FCHSD2: variants seen among roughly 807,000 people sequenced by gnomAD.
The protein encoded by FCHSD2 is F-BAR and double SH3 domains protein 2.
A neutral mutation model predicts 108.1 loss-of-function variants in FCHSD2; 38 were observed. The observed-to-expected ratio is 0.35, with a 90% confidence interval of 0.27 to 0.46. FCHSD2 has a LOEUF of 0.46. FCHSD2 is among the 20% of genes least tolerant of loss of function. The pLI is 1.00. For missense variants in FCHSD2, 751 were observed against 897.8 expected (o/e 0.84, Z 2.09); for synonymous variants, 279 against 314.7 (o/e 0.89, Z 1.20).
At chr11:72,841,647 TCTGA>T in intron 17 of FCHSD2, 64 bp from the exon 18 acceptor site, 1 of 1,471,076 alleles carries the variant, frequency 6.8e-7, no homozygotes, top group Non-Finnish European at 9.1e-7. Context: ...TGGCTGCTTC[TCTGA>T]CTGCTCTGTA....
intron 8 of FCHSD2, among the ~76,000 whole-genome samples, chr11:72,974,597 G>T (rs1028260362): frequency 6.6e-6 from 1 of 152,218 alleles, no homozygotes; most frequent in Non-Finnish European, 1.5e-5. Context: ...CTAGTCACAT[G>T]TGGCCTTTAA....
chr11:72,926,858 C>T (rs962930338), intron 8 of FCHSD2, among the ~76,000 whole-genome samples: 1 of 152,116 alleles, frequency 6.6e-6, no homozygotes, highest in Non-Finnish European at 1.5e-5. Context: ...AAGCATCTTT[C>T]TTCACTTAAG....
intron 12 of FCHSD2, among the ~76,000 whole-genome samples, chr11:72,873,180 T>G (rs967233167): frequency 6.6e-6 from 1 of 151,976 alleles, no homozygotes; most frequent in African/African-American, 2.4e-5. Context: ...ATACAAAAAA[T>G]TAGCCGGACA....
chr11:73,072,306 T>A (rs1294600770), intron 3 of FCHSD2, among the ~76,000 whole-genome samples: 1 of 151,914 alleles, frequency 6.6e-6, no homozygotes, highest in Non-Finnish European at 1.5e-5. Flanking sequence ...TGCTACCGAA[T>A]AGCCATGAAA....
At chr11:73,072,400 CTT>C (rs977939387) in intron 3 of FCHSD2, among the ~76,000 whole-genome samples, 2 of 151,710 alleles carry the variant, frequency 1.3e-5, no homozygotes, top group African/African-American at 4.9e-5. Flanking sequence ...AGTTTAAAAA[CTT>C]AATTAAATTT....
chr11:72,905,175 C>T (rs562184062), intron 9 of FCHSD2, among the ~76,000 whole-genome samples: 150 of 152,254 alleles, frequency 9.9e-4, no homozygotes, highest in African/African-American at 3.5e-3. Flanking sequence ...TTTCTTCTGA[C>T]GGTAATTATT....
At chr11:73,134,356 G>A (rs1025605479) in intron 2 of FCHSD2, among the ~76,000 whole-genome samples, 20 of 152,110 alleles carry the variant, frequency 1.3e-4, no homozygotes, top group Middle Eastern at 3.2e-3. Context: ...TGTGGTCCCA[G>A]CTACTCAGGA....
chr11:72,901,396 C>A (rs1257805296), intron 10 of FCHSD2, among the ~76,000 whole-genome samples: 3 of 151,046 alleles, frequency 2.0e-5, no homozygotes, highest in Non-Finnish European at 4.4e-5. Flanking sequence ...GACCCTGTCT[C>A]AAAAATAAAA....
intron 5 of FCHSD2, among the ~76,000 whole-genome samples, chr11:72,989,659 C>A (rs548992252): frequency 8.5e-5 from 13 of 152,256 alleles, no homozygotes; most frequent in African/African-American, 3.1e-4. Flanking sequence ...TCCGTGGATA[C>A]ACATATACAT....
At chr11:72,999,615 C>T (rs114667785) in intron 5 of FCHSD2, among the ~76,000 whole-genome samples, 3,729 of 152,002 alleles carry the variant, frequency 0.025, 146 homozygotes, top group African/African-American at 0.086. Flanking sequence ...CCACCACACC[C>T]GGCCTTATCA....
intron 8 of FCHSD2, among the ~76,000 whole-genome samples, chr11:72,950,847 G>A: frequency 6.6e-6 from 1 of 152,096 alleles, no homozygotes; most frequent in East Asian, 1.9e-4. Context: ...TTTCTTCCTG[G>A]GCACATGCTG....
intron 2 of FCHSD2, among the ~76,000 whole-genome samples, chr11:73,085,317 G>T (rs1489074437): frequency 6.6e-6 from 1 of 152,076 alleles, no homozygotes; most frequent in East Asian, 1.9e-4. Context: ...GTAAACACCA[G>T]GAATCTGACT....
At chr11:72,988,111 G>T (rs1048305930) in intron 6 of FCHSD2, among the ~76,000 whole-genome samples, 1 of 152,084 alleles carries the variant, frequency 6.6e-6, no homozygotes, top group Non-Finnish European at 1.5e-5. Context: ...TAGAAAGATA[G>T]CCCCCTCCTT....
intron 3 of FCHSD2, among the ~76,000 whole-genome samples, chr11:73,081,390 C>T (rs1252377831): frequency 1.3e-5 from 2 of 151,950 alleles, no homozygotes; most frequent in Non-Finnish European, 1.5e-5. Context: ...GCCAAGATGG[C>T]GCCACTGGAC....
At chr11:72,935,970 AG>A (rs1265287733) in intron 8 of FCHSD2, among the ~76,000 whole-genome samples, 1 of 152,254 alleles carries the variant, frequency 6.6e-6, no homozygotes, top group Non-Finnish European at 1.5e-5. Flanking sequence ...ATGCTCACCC[AG>A]TTGTGAGTGG....
rs545106599 is a variant in FCHSD2 at position 72,997,770 on chromosome 11, G to A, written c.387+3220C>T. Among the ~76,000 whole-genome samples, 6 of 152,250 alleles carry A rather than the reference G, an allele frequency of 3.9e-5. No homozygotes were observed. In the South Asian group the frequency reaches 1.0e-3, roughly 26 times the overall value. On this transcript the variant is annotated intron_variant, in intron 5 of 19. Transcript: ENST00000409418. ...GGCTGGAGTGCAGTGGCACGATCTCGACTTCCTGCAATCTCTACCTCCTGT... is the reference window on the plus strand; with the variant it reads ...GGCTGGAGTGCAGTGGCACGATCTCAACTTCCTGCAATCTCTACCTCCTGT...
chr11:72,891,116 C>T (rs1855305945), intron 10 of FCHSD2, among the ~76,000 whole-genome samples: 1 of 151,964 alleles, frequency 6.6e-6, no homozygotes, highest in African/African-American at 2.4e-5. Flanking sequence ...TAAGGTCTCA[C>T]TATGTTGCCC....
At chr11:72,968,090 CAA>C (rs10670606) in intron 8 of FCHSD2, among the ~76,000 whole-genome samples, 29 of 87,466 alleles carry the variant, frequency 3.3e-4, no homozygotes, top group Admixed American at 3.9e-4. Context: ...GACTCTGTCT[CAA>C]AAAAAAAAAA....
Position 72,962,758 on chromosome 11 carries a change from T to TA in FCHSD2, c.705+21329dup, listed in dbSNP as rs911164867. On this transcript the variant is annotated intron_variant, in intron 8 of 19. Transcript: ENST00000409418. ...CATCAGGAGCCAGCACAGGTTAAAA[T>TA]AAAAAAAAAAATCACACCAAAATGA... is the stretch of plus-strand genomic sequence containing the variant. 2.8e-3 allele frequency among the ~76,000 whole-genome samples: 404 copies of TA among 145,224 alleles called. 3 individuals carry two copies. Among genetic ancestry groups the TA allele is most frequent in the East Asian group, 5.6e-3 (28 of 5,036 alleles).
Sources: allele counts gnomAD v4.1 joint callset (sites outside exome capture counted in the v4.1 genomes callset), GRCh38; gene constraint gnomAD v4.1.1; transcripts MANE v1.5; gene names NCBI Gene and HGNC (gene_info 2026-07-23, HGNC 2026-07-21).